LRRIQ3: variants seen among roughly 807,000 people sequenced by gnomAD.
LRRIQ3 encodes leucine-rich repeat and IQ domain-containing protein 3.
Under a neutral mutation model 59.3 loss-of-function variants are expected in LRRIQ3, and 75 were observed. The ratio of observed to expected loss-of-function variants is 1.26; its 90% confidence interval spans 1.05 to 1.53. The LOEUF is 1.53. Ranked by LOEUF, LRRIQ3 falls within the 40% of genes most tolerant of loss-of-function variation. The pLI, the probability that LRRIQ3 is intolerant of heterozygous loss-of-function variation, is 0.00. For missense variants in LRRIQ3, 831 were observed against 710.0 expected, an observed-to-expected ratio of 1.17 and a Z score of -1.94; for synonymous variants, 250 against 231.3, an observed-to-expected ratio of 1.08 and a Z score of -0.73.
At chr1:74,067,124 G>A (rs1037946114) in intron 6 of LRRIQ3, among the ~76,000 whole-genome samples, 3 of 152,104 alleles carry the variant, frequency 2.0e-5, no homozygotes, top group African/African-American at 7.2e-5. Flanking sequence ...CCTAAAAAAT[G>A]ACAACTGAAA....
intron 4 of LRRIQ3, among the ~76,000 whole-genome samples, chr1:74,142,831 G>C (rs931332998): frequency 1.3e-5 from 2 of 151,928 alleles, no homozygotes; most frequent in Admixed American, 1.3e-4. Context: ...CTTGCCTTAA[G>C]TGCAGGAAGA....
At chr1:74,040,413 C>A (rs993346470) in intron 7 of LRRIQ3, among the ~76,000 whole-genome samples, 7 of 152,144 alleles carry the variant, frequency 4.6e-5, no homozygotes, top group African/African-American at 1.7e-4. Flanking sequence ...ATATTCAGGA[C>A]TTTAACACAG....
chr1:74,175,651 G>T (rs1373470560), intron 3 of LRRIQ3, among the ~76,000 whole-genome samples: 1 of 152,112 alleles, frequency 6.6e-6, no homozygotes, highest in Non-Finnish European at 1.5e-5. Flanking sequence ...CCTGGGTTCT[G>T]GAATTCTCAC....
rs765687762 is a variant in LRRIQ3 at position 74,183,671 on chromosome 1, G to C, written c.14C>G (p.Thr5Arg). 8 of 1,558,364 alleles carry C rather than the reference G, an allele frequency of 5.1e-6. No individual in the cohort carries two copies. The highest frequency in any genetic ancestry group is 1.9e-5 in the Admixed American group (1 of 51,916). MFHG[T>R]VTEELTSHEE... ...ATGACTGGTTAGCTCTTCTGTGACT[G>C]TTCCATGAAACATCTAGGAAAGATA... Residue 5 changes from threonine to arginine, a missense_variant, in exon 2 of 8, where the codon ACA becomes AGA. By Grantham distance (71) the Thr-to-Arg change is moderately conservative. Transcript: ENST00000354431.
chr1:74,165,295 A>G (rs1460496397), intron 3 of LRRIQ3, among the ~76,000 whole-genome samples: 1 of 151,570 alleles, frequency 6.6e-6, no homozygotes, highest in Non-Finnish European at 1.5e-5. Context: ...TGTAGTTTTC[A>G]GCGCAGCAGT....
chr1:74,145,531 A>AC (rs36016107), intron 4 of LRRIQ3, among the ~76,000 whole-genome samples: 148,667 of 152,272 alleles, frequency 0.98, 72,684 homozygotes, highest in Middle Eastern at 1. Context: ...AATCTTCTAA[A>AC]TTTTATGTGA....
At chr1:74,143,079 A>G (rs559649216) in intron 4 of LRRIQ3, among the ~76,000 whole-genome samples, 1 of 152,158 alleles carries the variant, frequency 6.6e-6, no homozygotes, top group African/African-American at 2.4e-5. Context: ...TCTGAGTTTC[A>G]AATGAGTCAA....
intron 5 of LRRIQ3, among the ~76,000 whole-genome samples, chr1:74,080,060 T>C (rs1478160863): frequency 1.3e-5 from 2 of 151,744 alleles, no homozygotes; most frequent in Non-Finnish European, 3.0e-5. Context: ...TATCAATTTC[T>C]GAATTTGTCA....
intron 6 of LRRIQ3, among the ~76,000 whole-genome samples, chr1:74,063,707 C>T (rs1654792935): frequency 6.6e-6 from 1 of 151,908 alleles, no homozygotes; most frequent in Non-Finnish European, 1.5e-5. Flanking sequence ...AATACAGTCC[C>T]TCCAGTTCTC....
intron 4 of LRRIQ3, among the ~76,000 whole-genome samples, chr1:74,114,596 C>G (rs985057553): frequency 6.6e-6 from 1 of 151,726 alleles, no homozygotes; most frequent in African/African-American, 2.4e-5. Flanking sequence ...ATTAGCCAGG[C>G]GTGGTGGCAG....
chr1:74,145,096 C>G (rs544400994), intron 4 of LRRIQ3, among the ~76,000 whole-genome samples: 2 of 152,070 alleles, frequency 1.3e-5, no homozygotes, highest in South Asian at 2.1e-4. Context: ...TTTTGGGTAC[C>G]TCTACTAATG....
intron 1 of LRRIQ3, among the ~76,000 whole-genome samples, chr1:74,184,838 C>T (rs1282642897): frequency 6.6e-6 from 1 of 152,056 alleles, no homozygotes; most frequent in Non-Finnish European, 1.5e-5. Context: ...TAAACCTTTA[C>T]AAATTAAACT....
At chr1:74,100,801 A>C (rs996812371) in intron 5 of LRRIQ3, among the ~76,000 whole-genome samples, 3 of 152,190 alleles carry the variant, frequency 2.0e-5, no homozygotes, top group African/African-American at 4.8e-5. Flanking sequence ...AAAAACAAGA[A>C]ATGGGGAAAG....
At chr1:74,029,475 G>C (rs1653628704) in intron 7 of LRRIQ3, among the ~76,000 whole-genome samples, 1 of 152,014 alleles carries the variant, frequency 6.6e-6, no homozygotes, top group African/African-American at 2.4e-5. Flanking sequence ...TTTGTCTTTG[G>C]TTCTGTTTAT....
Position 74,029,860 on chromosome 1 carries a change from T to C in LRRIQ3, c.1719-2891A>G, listed in dbSNP as rs541867517. On this transcript the variant is annotated intron_variant, in intron 7 of 7. Coordinates refer to ENST00000354431, the MANE Select transcript of LRRIQ3 (RefSeq NM_001105659.2). ...TTTTTGGTTGGTAAGCTATAAACTATTGCCTCAATTTCAGAGCCTGTTATT... is the reference window on the plus strand; with the variant it reads ...TTTTTGGTTGGTAAGCTATAAACTACTGCCTCAATTTCAGAGCCTGTTATT... Among the ~76,000 whole-genome samples, 26 of 152,198 alleles carry C rather than the reference T, an allele frequency of 1.7e-4. 1 individual carries two copies. The highest frequency in any genetic ancestry group is 6.8e-3 in the Middle Eastern group (2 of 292).
chr1:74,049,921 TTTTC>T (rs1472616302), intron 6 of LRRIQ3, among the ~76,000 whole-genome samples: 7 of 150,344 alleles, frequency 4.7e-5, no homozygotes, highest in African/African-American at 1.5e-4. Flanking sequence ...TGTGTCTTTT[TTTTC>T]TTTTTTTTTT....
chr1:74,080,243 A>G (rs889310118), intron 5 of LRRIQ3, among the ~76,000 whole-genome samples: 1 of 151,760 alleles, frequency 6.6e-6, no homozygotes, highest in African/African-American at 2.4e-5. Context: ...AAGATAATCT[A>G]TAATAGGTAT....
At chr1:74,114,040 T>C (rs886117068) in intron 4 of LRRIQ3, among the ~76,000 whole-genome samples, 1 of 151,706 alleles carries the variant, frequency 6.6e-6, no homozygotes, top group Non-Finnish European at 1.5e-5. Flanking sequence ...TATATACACA[T>C]ATATATAATT....
chr1:74,164,845 A>C (rs1648878739), intron 3 of LRRIQ3, among the ~76,000 whole-genome samples: 2 of 151,702 alleles, frequency 1.3e-5, no homozygotes, highest in East Asian at 1.9e-4. Context: ...TATGAAACTT[A>C]GACTGAGGAG....
Sources: allele counts gnomAD v4.1 joint callset (sites outside exome capture counted in the v4.1 genomes callset), GRCh38; gene constraint gnomAD v4.1.1; transcripts MANE v1.5; gene names NCBI Gene and HGNC (gene_info 2026-07-23, HGNC 2026-07-21).